NETO2: variants seen among roughly 807,000 people sequenced by gnomAD.
NETO2 encodes neuropilin and tolloid like 2.
Under a neutral mutation model 62.5 loss-of-function variants are expected in NETO2, and 28 were observed. The observed-to-expected ratio is 0.45, with a 90% confidence interval of 0.33 to 0.61. The LOEUF is 0.61. Ranked by LOEUF, NETO2 falls within the 20% of genes least tolerant of loss-of-function variation. The pLI is 0.02. For synonymous variants in NETO2, 214 were observed against 219.1 expected, an observed-to-expected ratio of 0.98 and a Z score of 0.21; for missense variants, 548 against 643.2, an observed-to-expected ratio of 0.85 and a Z score of 1.60.
At chr16:47,109,135 A>G (rs947937209) in intron 7 of NETO2, among the ~76,000 whole-genome samples, 3 of 152,106 alleles carry the variant, frequency 2.0e-5, no homozygotes, top group African/African-American at 7.2e-5. Context: ...AGGGACCAAG[A>G]TATAGTTGCT....
intron 8 of NETO2, among the ~76,000 whole-genome samples, chr16:47,085,089 C>A (rs907437161): frequency 6.6e-6 from 1 of 152,140 alleles, no homozygotes; most frequent in African/African-American, 2.4e-5. Context: ...AGTGATCTGA[C>A]AACCAGCTTG....
intron 1 of NETO2, among the ~76,000 whole-genome samples, chr16:47,143,105 C>G (rs924889924): frequency 2.0e-5 from 3 of 152,054 alleles, no homozygotes; most frequent in Admixed American, 2.0e-4. Context: ...GCAGGCGCCG[C>G]GGGGCTATTC....
At chr16:47,130,799 AG>A (rs1232195822) in intron 2 of NETO2, among the ~76,000 whole-genome samples, 1 of 152,160 alleles carries the variant, frequency 6.6e-6, no homozygotes, top group East Asian at 1.9e-4. Context: ...CTTTTGTTCC[AG>A]GACAGAAGAG....
intron 1 of NETO2, among the ~76,000 whole-genome samples, chr16:47,136,085 G>A (rs1414154755): frequency 2.0e-5 from 3 of 152,134 alleles, no homozygotes; most frequent in African/African-American, 7.2e-5. Context: ...TCCTGTTTTT[G>A]GACTTAACAA....
intron 6 of NETO2, 144 bp downstream of exon 6, chr16:47,122,513 G>T: frequency 1.2e-6 from 1 of 867,782 alleles, no homozygotes; most frequent in Non-Finnish European, 1.7e-6. Context: ...TGCCAATAAA[G>T]TAAGTGAAAT....
intron 2 of NETO2, among the ~76,000 whole-genome samples, chr16:47,130,455 A>C (rs1175971973): frequency 1.3e-5 from 2 of 150,488 alleles, no homozygotes; most frequent in Non-Finnish European, 3.0e-5. Context: ...TAAATAAATA[A>C]ATAATAATAA....
intron 1 of NETO2, among the ~76,000 whole-genome samples, chr16:47,134,047 G>C (rs1231903601): frequency 6.6e-6 from 1 of 152,156 alleles, no homozygotes; most frequent in Non-Finnish European, 1.5e-5. Context: ...CATGGTTCAG[G>C]TGTAGAGTCA....
At chr16:47,140,982 G>A (rs769086138) in intron 1 of NETO2, among the ~76,000 whole-genome samples, 2 of 152,202 alleles carry the variant, frequency 1.3e-5, no homozygotes, top group Non-Finnish European at 2.9e-5. Context: ...ATAATGCTTA[G>A]TTAACCTTGA....
At chr16:47,096,844 T>C (rs1963436483) in intron 7 of NETO2, among the ~76,000 whole-genome samples, 1 of 152,148 alleles carries the variant, frequency 6.6e-6, no homozygotes, top group African/African-American at 2.4e-5. Context: ...ACCCAGCTCA[T>C]TTCACTGGGA....
intron 7 of NETO2, among the ~76,000 whole-genome samples, chr16:47,093,470 T>C (rs576376333): frequency 6.6e-6 from 1 of 152,322 alleles, no homozygotes; most frequent in East Asian, 1.9e-4. Flanking sequence ...TCCTACACTG[T>C]CACTATTTGC....
At chr16:47,138,858 C>G (rs1964409347) in intron 1 of NETO2, among the ~76,000 whole-genome samples, 1 of 152,180 alleles carries the variant, frequency 6.6e-6, no homozygotes. Flanking sequence ...CGAGCGCTCT[C>G]TACTAGAACA....
intron 7 of NETO2, among the ~76,000 whole-genome samples, chr16:47,095,675 T>C (rs1279081276): frequency 1.3e-5 from 2 of 152,210 alleles, no homozygotes; most frequent in Middle Eastern, 3.4e-3. Flanking sequence ...CAAACATTGA[T>C]AGAACTGATG....
chr16:47,101,202 G>A (rs1470730434), intron 7 of NETO2, among the ~76,000 whole-genome samples: 2 of 152,154 alleles, frequency 1.3e-5, no homozygotes, highest in East Asian at 3.8e-4. Context: ...TATCTCAATA[G>A]ACGCAGAAAA....
chr16:47,091,854 T>A (rs1415971527), intron 7 of NETO2, among the ~76,000 whole-genome samples: 6 of 152,162 alleles, frequency 3.9e-5, no homozygotes, highest in Non-Finnish European at 7.4e-5. Flanking sequence ...TTTTATTTTT[T>A]TTTTGGAGAC....
At chr16:47,139,796 T>G (rs1289464546) in intron 1 of NETO2, among the ~76,000 whole-genome samples, 1 of 152,222 alleles carries the variant, frequency 6.6e-6, no homozygotes, top group East Asian at 1.9e-4. Context: ...GCTTTCTCTT[T>G]CCTGCAGAAT....
chr16:47,138,683 T>C (rs1350210786), intron 1 of NETO2, among the ~76,000 whole-genome samples: 4 of 152,342 alleles, frequency 2.6e-5, no homozygotes, highest in South Asian at 2.1e-4. Flanking sequence ...TAGTGTATTA[T>C]GTACACAGCA....
intron 6 of NETO2, among the ~76,000 whole-genome samples, chr16:47,119,460 C>CT (rs1176372903): frequency 6.6e-6 from 1 of 150,966 alleles, no homozygotes; most frequent in Non-Finnish European, 1.5e-5. Flanking sequence ...CTATTTATGT[C>CT]TTTTTTTTTC....
At chr16:47,135,177 C>A (rs1964342033) in intron 1 of NETO2, among the ~76,000 whole-genome samples, 2 of 152,214 alleles carry the variant, frequency 1.3e-5, no homozygotes, top group Non-Finnish European at 2.9e-5. Context: ...TCTTTGTACA[C>A]TGCTTGAGTT....
Position 47,088,274 on chromosome 16 carries a change from T to G in NETO2, c.884-1935A>C, listed in dbSNP as rs555056299. Among the ~76,000 whole-genome samples the G allele has an allele frequency of 9.2e-5, 14 of 152,214 alleles. No homozygotes were observed. The East Asian group carries it at 2.7e-3, about 29-fold the overall frequency. ...GCACGTGTCACCATGCCCAGCTAAT[T>G]TGTGTATTTTTAGTGGAGGTGGGGT... is the stretch of plus-strand genomic sequence containing the variant. On this transcript the variant is annotated intron_variant, in intron 7 of 8. Coordinates refer to ENST00000562435, the MANE Select transcript of NETO2 (RefSeq NM_018092.5).
Sources: gnomAD v4.1 joint callset for allele counts (sites outside exome capture counted in the v4.1 genomes callset) on GRCh38, gnomAD v4.1.1 for gene constraint, MANE v1.5 for transcripts, NCBI Gene and HGNC (gene_info 2026-07-23, HGNC 2026-07-21) for gene names.